CCT8: variants seen among roughly 807,000 people sequenced by gnomAD.
The protein encoded by CCT8 is chaperonin containing TCP1 subunit 8.
In CCT8, 10 loss-of-function variants were observed where a neutral mutation model predicts 65.7. The observed-to-expected ratio is 0.15, with a 90% CI of 0.09 to 0.26. The LOEUF is 0.26. CCT8 is among the 10% of genes least tolerant of loss of function. CCT8 has a pLI of 1.00. For synonymous variants in CCT8, 199 were observed against 221.8 expected (o/e 0.90, Z 0.92); for missense variants, 568 against 669.1 (o/e 0.85, Z 1.67).
Position 29,060,609 on chromosome 21 carries a change from A to G in CCT8, c.1501T>C (p.Tyr501His). ...TTGATAGCCCAATATTTTCCCAGGT[A>G]AGTATCTAGAATACCAGCTTCCAGC... ...DMLEAGILDTYLGKYWAIKLA... is the reference protein window; with the variant it reads ...DMLEAGILDTHLGKYWAIKLA... The change falls in exon 14 of 15, where the codon TAC becomes CAC. Residue 501 changes from tyrosine to histidine, a missense_variant. Coordinates refer to ENST00000286788, the MANE Select transcript of CCT8 (RefSeq NM_006585.4). The G allele has an allele frequency of 6.2e-7, 1 of 1,613,828 alleles. No individual in the cohort carries two copies. The highest frequency in any genetic ancestry group is 8.5e-7 in the Non-Finnish European group (1 of 1,179,722).
chr21:29,066,996 T>A lies in CCT8; in HGVS notation c.457A>T (p.Asn153Tyr), dbSNP rs780436925. ...LPNLVCCSAK[N>Y]LRDIDEVSSL... The stretch of plus-strand genomic sequence containing the variant: ...GAGACTTCATCAATATCTCGAAGGT[T>A]TTTTGCAGAACAACATACCAAATTA... The change falls in exon 5 of 15, where the codon AAC (asparagine) becomes TAC (tyrosine). Residue 153 changes from asparagine to tyrosine, a missense_variant. Transcript: ENST00000286788. The A allele has an allele frequency of 6.2e-7, 1 of 1,613,678 alleles. No individual in the cohort carries two copies. The highest frequency in any genetic ancestry group is 8.5e-7 in the Non-Finnish European group (1 of 1,179,796).
chr21:29,062,921 G>A (rs1436312057), intron 8 of CCT8: 1 of 334,506 alleles, frequency 3.0e-6, no homozygotes, highest in Non-Finnish European at 5.5e-6. Context: ...TGCAATCAAT[G>A]TTCTGTGAAC....
Position 29,060,544 on chromosome 21 carries a change from A to G in CCT8, c.1566T>C (p.Asp522=). The part of the protein sequence containing the change: ...TNAAVTVLRV[D]QIIMAKPAGG... ...ATCAAAATTTCACTTTGCTCACCTGATCCACTCTAAGTACAGTGACTGCAG... is the reference window on the plus strand; with the variant it reads ...ATCAAAATTTCACTTTGCTCACCTGGTCCACTCTAAGTACAGTGACTGCAG... The change falls in exon 14 of 15, where the codon GAT becomes GAC. Residue 522 remains aspartate (D), a synonymous_variant. Transcript: ENST00000286788. The G allele has an allele frequency of 1.2e-6, 2 of 1,613,680 alleles. No individual in the cohort carries two copies.
At chr21:29,065,467 G>A (rs1436192811) in intron 6 of CCT8, among the ~76,000 whole-genome samples, 1 of 152,172 alleles carries the variant, frequency 6.6e-6, no homozygotes, top group African/African-American at 2.4e-5. Context: ...TTCTCACAAG[G>A]TTGCATTTAA....
chr21:29,069,373 A>T, intron 3 of CCT8, 50 bp downstream of exon 3: 2 of 1,034,662 alleles, frequency 1.9e-6, no homozygotes, highest in Admixed American at 2.4e-5. Context: ...AAATCTACTT[A>T]ATTTTGATGT....
At chr21:29,069,615 G>C in intron 2 of CCT8, 113 bp from the exon 3 acceptor site, 1 of 590,764 alleles carries the variant, frequency 1.7e-6, no homozygotes, top group Non-Finnish European at 2.9e-6. Context: ...TAAAAAAAGA[G>C]CTTTGCAAGA....
At chr21:29,057,722 CATAT>C (rs1048309404) in intron 14 of CCT8, among the ~76,000 whole-genome samples, 1 of 82,380 alleles carries the variant, frequency 1.2e-5, no homozygotes, top group African/African-American at 3.2e-5. Context: ...ATATATCATA[CATAT>C]ATGTATGATA....
chr21:29,063,949 T>C (rs2085592108), intron 7 of CCT8, among the ~76,000 whole-genome samples: 1 of 152,072 alleles, frequency 6.6e-6, no homozygotes, highest in Non-Finnish European at 1.5e-5. Context: ...GCATTTTTAG[T>C]AGAGACGGGG....
chr21:29,066,521 A>C (rs2085624269), intron 6 of CCT8, among the ~76,000 whole-genome samples, 195 bp downstream of exon 6: 1 of 152,234 alleles, frequency 6.6e-6, no homozygotes, highest in South Asian at 2.1e-4. Flanking sequence ...CCTGGGCAAC[A>C]AGAGCGAGAC....
At chr21:29,068,560 A>C (rs1285638640) in intron 3 of CCT8, among the ~76,000 whole-genome samples, 4 of 152,040 alleles carry the variant, frequency 2.6e-5, no homozygotes, top group African/African-American at 9.7e-5. Context: ...CCCAGGTTCA[A>C]GCAATTCTCC....
Position 29,073,516 on chromosome 21 carries a change from TC to T in CCT8, c.60+14del. Reference sequence around the variant, plus strand: ...TGCTGACGCTCCCACCTCATTCCTTTCCTTCAGCCCTTACTTTCGCTCCCTC... The same window carrying T: ...TGCTGACGCTCCCACCTCATTCCTTTCTTCAGCCCTTACTTTCGCTCCCTC... On this transcript the variant is annotated intron_variant, in intron 1 of 14. Coordinates refer to ENST00000286788, the MANE Select transcript of CCT8 (RefSeq NM_006585.4). 1 of 1,614,080 alleles carries T rather than the reference TC, an allele frequency of 6.2e-7. No homozygotes were observed. The highest frequency in any genetic ancestry group is 8.5e-7 in the Non-Finnish European group (1 of 1,179,936).
intron 4 of CCT8, 27 bp from the exon 5 acceptor site, chr21:29,067,098 C>G (rs1480904019): frequency 2.6e-6 from 4 of 1,549,534 alleles, no homozygotes; most frequent in Non-Finnish European, 3.5e-6. Flanking sequence ...ATTTCCTATT[C>G]TGACATGACT....
chr21:29,071,916 A>AT lies in CCT8; in HGVS notation c.61-1580dup, dbSNP rs1190553764. ...TTTTCAAGGAAACAAGGCCCTACGT[A>AT]TCCCGGCCCTTGTATGGCTCCTCCT... is the stretch of plus-strand genomic sequence containing the variant. On this transcript the variant is annotated intron_variant, in intron 1 of 14. Transcript: ENST00000286788. 4.3e-6 allele frequency: 3 copies of AT among 702,004 alleles called. 1 individual carries two copies. In the Admixed American group the frequency reaches 6.0e-5, roughly 14 times the overall value. 43.5% of individuals were successfully genotyped at this position (702,004 alleles called of 1,614,324 possible).
chr21:29,071,816 G>C (rs1379240984), intron 1 of CCT8: 3 of 615,532 alleles, frequency 4.9e-6, no homozygotes, highest in Non-Finnish European at 8.7e-6. Flanking sequence ...ACTACCATTT[G>C]ATCAGATCCC....
At position 29,062,596 on chromosome 21, in the gene CCT8, A is replaced by G. The variant is rs1261940006; in HGVS notation, c.942-40T>C. ...AAGACCTTAATAAAAGTTTTAATCAATTTCAGATAGCATATAAAGTTCAAA... is the reference window on the plus strand; with the variant it reads ...AAGACCTTAATAAAAGTTTTAATCAGTTTCAGATAGCATATAAAGTTCAAA... On this transcript the variant is annotated intron_variant, in intron 8 of 14. Transcript: ENST00000286788. The G allele has an allele frequency of 5.3e-6, 8 of 1,513,768 alleles. No individual in the cohort carries two copies. In the African/African-American group the frequency reaches 6.9e-5, roughly 13 times the overall value. 93.8% of individuals were successfully genotyped at this position (1,513,768 alleles called of 1,614,324 possible).
At chr21:29,064,771 G>A (rs2085603094) in intron 7 of CCT8, among the ~76,000 whole-genome samples, 197 bp downstream of exon 7, 2 of 151,920 alleles carry the variant, frequency 1.3e-5, no homozygotes, top group African/African-American at 2.4e-5. Flanking sequence ...TAAATAATAC[G>A]GCCACCATCT....
chr21:29,069,664 C>G (rs538167974), intron 2 of CCT8, among the ~76,000 whole-genome samples, 162 bp from the exon 3 acceptor site: 1 of 152,102 alleles, frequency 6.6e-6, no homozygotes, highest in Non-Finnish European at 1.5e-5. Context: ...ATCTTATAGC[C>G]CCATGGGCAT....
At chr21:29,066,198 ATAGG>A (rs2085620607) in intron 6 of CCT8, among the ~76,000 whole-genome samples, 1 of 152,180 alleles carries the variant, frequency 6.6e-6, no homozygotes, top group Admixed American at 6.5e-5. Context: ...TTAAACTTAA[ATAGG>A]TAGTAGTATT....
At chr21:29,061,110 G>C (rs2085558133) in intron 13 of CCT8, 143 bp downstream of exon 13, 1 of 685,666 alleles carries the variant, frequency 1.5e-6, no homozygotes, top group African/African-American at 1.8e-5. Flanking sequence ...TCCTCCATCA[G>C]ACAACCTATG....
Sources: gnomAD v4.1 joint callset for allele counts (sites outside exome capture counted in the v4.1 genomes callset) on GRCh38, gnomAD v4.1.1 for gene constraint, MANE v1.5 for transcripts, NCBI Gene and HGNC (gene_info 2026-07-23, HGNC 2026-07-21) for gene names.